Variants in ZDHHC18 observed in about 807,000 individuals in gnomAD.
ZDHHC18 encodes the protein zDHHC palmitoyltransferase 18.
A neutral mutation model predicts 37.5 loss-of-function variants in ZDHHC18; 23 were observed. The ratio of observed to expected loss-of-function variants is 0.61; its 90% CI spans 0.44 to 0.87. ZDHHC18 has a LOEUF of 0.87. Ranked by LOEUF, ZDHHC18 falls within the 40% of genes least tolerant of loss-of-function variation. ZDHHC18 has a pLI of 0.00. For synonymous variants in ZDHHC18, 185 were observed against 218.7 expected (o/e 0.85, Z 1.36); for missense variants, 406 against 525.6 (o/e 0.77, Z 2.22).
intron 6 of ZDHHC18, 117 bp from the exon 7 acceptor site, chr1:26,852,636 C>T (rs1274706708): frequency 1.3e-6 from 1 of 797,440 alleles, no homozygotes; most frequent in African/African-American, 1.7e-5. Context: ...AGACATGTCG[C>T]CTTCTGTAAC....
intron 2 of ZDHHC18, among the ~76,000 whole-genome samples, chr1:26,844,525 A>C (rs571619994): frequency 1.3e-5 from 2 of 152,120 alleles, no homozygotes; most frequent in African/African-American, 4.8e-5. Flanking sequence ...ATCCTTGTGC[A>C]TGTCTTTCAG....
At chr1:26,848,545 G>C in intron 2 of ZDHHC18, 63 bp from the exon 3 acceptor site, 1 of 1,575,286 alleles carries the variant, frequency 6.3e-7, no homozygotes, top group South Asian at 1.1e-5. Context: ...GCTTTCCCCT[G>C]CTGGGGATCC....
intron 2 of ZDHHC18, among the ~76,000 whole-genome samples, chr1:26,844,926 G>GTTTTTTTTTTTTTTTTTTTTTT (rs35017323): frequency 7.1e-6 from 1 of 141,008 alleles, no homozygotes; most frequent in Non-Finnish European, 1.5e-5. Flanking sequence ...TTTTTTTTTG[G>GTTTTTTTTTTTTTTTTTTTTTT]TTTTTTTTTT....
At chr1:26,846,286 G>GTATATATA (rs1557644410) in intron 2 of ZDHHC18, among the ~76,000 whole-genome samples, 4 of 43,306 alleles carry the variant, frequency 9.2e-5, no homozygotes, top group African/African-American at 6.5e-4. Flanking sequence ...GTGTGTGTGT[G>GTATATATA]TGTGTATATA....
At position 26,854,149 on chromosome 1, in the gene ZDHHC18, AGTGAGGCTGTGAACTGAGC is replaced by A. The variant is rs551990387; in HGVS notation, c.*314_*332del. The A allele has an allele frequency of 1.4e-3, 463 of 342,528 alleles. 3 individuals carry two copies. Among genetic ancestry groups the A allele is most frequent in the African/African-American group, 8.1e-3 (390 of 48,120 alleles). 21.2% of individuals were successfully genotyped at this position (342,528 alleles called of 1,614,324 possible). The stretch of plus-strand genomic sequence containing the variant: ...GCCTGTGCCGGGCGAGCCCTGTGTG[AGTGAGGCTGTGAACTGAGC>A]GTGAGGCCTCCCAGGTGGGGGAACT... On this transcript the variant is annotated 3_prime_UTR_variant, in exon 8 of 8. Coordinates refer to ENST00000374142, the MANE Select transcript of ZDHHC18 (RefSeq NM_032283.3). The surrounding 1 kb of genome is among the most constrained non-coding windows in gnomAD (Gnocchi z 4.6).
chr1:26,853,897 G>C lies in ZDHHC18; in HGVS notation c.*54G>C. The C allele has an allele frequency of 6.7e-7, 1 of 1,486,746 alleles. No individual in the cohort carries two copies. Among genetic ancestry groups the C allele is most frequent in the Non-Finnish European group, 9.3e-7 (1 of 1,071,186 alleles). 92.1% of individuals were successfully genotyped at this position (1,486,746 alleles called of 1,614,324 possible). On this transcript the variant is annotated 3_prime_UTR_variant, in exon 8 of 8. Coordinates refer to ENST00000374142, the MANE Select transcript of ZDHHC18 (RefSeq NM_032283.3). ...CCTGTCTGACCCTCCGCACTCACCTGCCGGGACCCTCCCTATTCCATCCAA... is the reference window on the plus strand; with the variant it reads ...CCTGTCTGACCCTCCGCACTCACCTCCCGGGACCCTCCCTATTCCATCCAA...
In ZDHHC18 at chr1:26,856,081, C is replaced by T. The variant is rs977887969; in HGVS notation, c.*2238C>T. 4.9e-6 allele frequency: 2 copies of T among 405,008 alleles called. No individual in the cohort carries two copies. Among genetic ancestry groups the T allele is most frequent in the Non-Finnish European group, 1.1e-5 (2 of 189,754 alleles). The allele number at this position is 405,008 out of a possible 1,614,324, so 25.1% of individuals were successfully genotyped here. On this transcript the variant is annotated 3_prime_UTR_variant, in exon 8 of 8. Transcript: ENST00000374142. This position sits in a 1 kb window ranked among gnomAD's most constrained non-coding sequence, Gnocchi z 5.2. ...AGAAAATGTTTGAGACAGTAGATTC[C>T]AGTTTGAGAGCCGGAGCTTCCCTGG...
chr1:26,851,273 C>CTAGAA, intron 6 of ZDHHC18, 42 bp downstream of exon 6: 1 of 1,596,092 alleles, frequency 6.3e-7, no homozygotes, highest in Non-Finnish European at 8.6e-7. Flanking sequence ...GGGCAGCGCC[C>CTAGAA]TCAGGAGGAG....
intron 2 of ZDHHC18, among the ~76,000 whole-genome samples, chr1:26,843,643 A>T (rs1570671584): frequency 6.6e-6 from 1 of 151,638 alleles, no homozygotes; most frequent in Non-Finnish European, 1.5e-5. Context: ...TACAAAAATT[A>T]TCTGGGCGTA....
At position 26,853,742 on chromosome 1, in the gene ZDHHC18, G is replaced by A. The variant is rs765674878; in HGVS notation, c.1066G>A (p.Gly356Arg). 2 of 1,614,056 alleles carry A rather than the reference G, an allele frequency of 1.2e-6. No individual in the cohort carries two copies. Among genetic ancestry groups the A allele is most frequent in the South Asian group, 2.2e-5 (2 of 91,088 alleles). Residue 356 changes from glycine (G) to arginine (R), a missense_variant, in exon 8 of 8, where the codon GGA becomes AGA. Gly to Arg is a moderately radical substitution (Grantham distance 125). Coordinates refer to ENST00000374142, the MANE Select transcript of ZDHHC18 (RefSeq NM_032283.3). The part of the protein sequence containing the change: ...PLPPSLIDRR[G>R]FVQSDTVLPS... ...TTTTGGAAGCCTAATTGACCGGAGG[G>A]GATTTGTGCAGTCCGACACCGTGTT...
chr1:26,854,708 G>A lies in ZDHHC18; in HGVS notation c.*865G>A, dbSNP rs944672774. 2 of 152,650 alleles carry A rather than the reference G, an allele frequency of 1.3e-5. No individual in the cohort carries two copies. Among genetic ancestry groups the A allele is most frequent in the East Asian group, 3.8e-4 (2 of 5,206 alleles). The allele number at this position is 152,650 out of a possible 1,614,324, so 9.5% of individuals were successfully genotyped here. ...ATTTTATAGACCTCTTTTCTACATAGTCTTTTTTAAATGGAAGGAGAAAAT... is the reference window on the plus strand; with the variant it reads ...ATTTTATAGACCTCTTTTCTACATAATCTTTTTTAAATGGAAGGAGAAAAT... On this transcript the variant is annotated 3_prime_UTR_variant, in exon 8 of 8. Coordinates refer to ENST00000374142, the MANE Select transcript of ZDHHC18 (RefSeq NM_032283.3). The surrounding 1 kb of genome is among the most constrained non-coding windows in gnomAD (Gnocchi z 4.6).
At chr1:26,835,017 A>G (rs894287360) in intron 2 of ZDHHC18, among the ~76,000 whole-genome samples, 1 of 152,172 alleles carries the variant, frequency 6.6e-6, no homozygotes. Context: ...GGGGGACTGG[A>G]GAAGCTTCCT....
chr1:26,834,820 T>C (rs1402033535), intron 2 of ZDHHC18, among the ~76,000 whole-genome samples: 1 of 152,178 alleles, frequency 6.6e-6, no homozygotes, highest in Non-Finnish European at 1.5e-5. Flanking sequence ...TGTTCATTTG[T>C]GTGTTAATTC....
intron 1 of ZDHHC18, among the ~76,000 whole-genome samples, chr1:26,828,104 A>G (rs1270593625): frequency 6.6e-6 from 1 of 151,934 alleles, no homozygotes; most frequent in East Asian, 1.9e-4. Flanking sequence ...CATAATCTCC[A>G]TTTTATGGAT....
intron 2 of ZDHHC18, among the ~76,000 whole-genome samples, chr1:26,844,036 A>G (rs549789314): frequency 6.6e-6 from 1 of 151,520 alleles, no homozygotes; most frequent in African/African-American, 2.4e-5. Context: ...ACTTTACACA[A>G]TTTGTTTTGT....
intron 1 of ZDHHC18, among the ~76,000 whole-genome samples, chr1:26,827,449 C>T (rs1322700950): frequency 6.6e-6 from 1 of 151,932 alleles, no homozygotes; most frequent in Non-Finnish European, 1.5e-5. Flanking sequence ...GGAACACCAG[C>T]CTCCATGCCC....
intron 2 of ZDHHC18, among the ~76,000 whole-genome samples, chr1:26,837,645 A>G (rs2081619674): frequency 1.3e-5 from 2 of 151,258 alleles, no homozygotes; most frequent in South Asian, 4.2e-4. Flanking sequence ...ATGCCTGGCT[A>G]ATTTTTGTAT....
intron 2 of ZDHHC18, among the ~76,000 whole-genome samples, chr1:26,836,500 A>G (rs2081612118): frequency 6.6e-6 from 1 of 151,646 alleles, no homozygotes; most frequent in East Asian, 1.9e-4. Context: ...TATCAGTGAT[A>G]TGAGTCCAGC....
At chr1:26,830,050 A>G (rs1319847144) in intron 1 of ZDHHC18, among the ~76,000 whole-genome samples, 1 of 152,230 alleles carries the variant, frequency 6.6e-6, no homozygotes, top group East Asian at 1.9e-4. Context: ...AGTGTGACCC[A>G]CTGGGAGCCC....
Sources: allele counts gnomAD v4.1 joint callset (sites outside exome capture counted in the v4.1 genomes callset), GRCh38; gene constraint gnomAD v4.1.1; non-coding constraint Gnocchi (gnomAD v3.1); transcripts MANE v1.5; gene names NCBI Gene and HGNC (gene_info 2026-07-23, HGNC 2026-07-21).